Variants in POTEF observed in about 807,000 individuals in gnomAD.
POTEF encodes ANKRD26-like family C member 1B.
In POTEF, 20 loss-of-function variants were observed where a neutral mutation model predicts 83.2. That is an observed-to-expected ratio of 0.24 (90% CI 0.17 to 0.35). POTEF has a LOEUF of 0.35. Ranked by LOEUF, POTEF falls within the 10% of genes least tolerant of loss-of-function variation. The pLI is 1.00. For synonymous variants in POTEF, 196 were observed against 446.4 expected (o/e 0.44, Z 7.07); for missense variants, 550 against 1,203.2 (o/e 0.46, Z 8.03).
chr2:130,126,847 A>G (rs1276425820), intron 2 of POTEF, among the ~76,000 whole-genome samples: 1 of 152,036 alleles, frequency 6.6e-6, no homozygotes, highest in Non-Finnish European at 1.5e-5. Flanking sequence ...AAACAAGAAT[A>G]GAAACATGAA....
intron 3 of POTEF, among the ~76,000 whole-genome samples, chr2:130,118,840 C>T (rs1330212595): frequency 6.6e-6 from 1 of 151,276 alleles, no homozygotes; most frequent in Non-Finnish European, 1.5e-5. Flanking sequence ...CTAGTTTTCT[C>T]CAAACATGAA....
chr2:130,121,268 A>C (rs1684998066), intron 2 of POTEF, among the ~76,000 whole-genome samples: 2 of 147,950 alleles, frequency 1.4e-5, no homozygotes, highest in Admixed American at 6.7e-5. Flanking sequence ...ACTTCGTGGG[A>C]GTCAGCTGAG....
At chr2:130,115,988 C>G (rs1357873422) in intron 3 of POTEF, among the ~76,000 whole-genome samples, 1 of 151,980 alleles carries the variant, frequency 6.6e-6, no homozygotes, top group Non-Finnish European at 1.5e-5. Context: ...AATGGGGCAT[C>G]ACACAATCCC....
intron 3 of POTEF, among the ~76,000 whole-genome samples, chr2:130,116,843 T>G (rs1261117095): frequency 9.2e-6 from 1 of 108,524 alleles, no homozygotes; most frequent in Non-Finnish European, 1.9e-5. Context: ...ATGCTTCTGT[T>G]TGAAAGGAGG....
At chr2:130,121,189 C>A (rs1448453930) in intron 2 of POTEF, among the ~76,000 whole-genome samples, 2 of 150,678 alleles carry the variant, frequency 1.3e-5, no homozygotes, top group Non-Finnish European at 2.9e-5. Flanking sequence ...AGACACTGGC[C>A]GATGCATGCA....
intron 3 of POTEF, among the ~76,000 whole-genome samples, chr2:130,119,004 A>G (rs915949862): frequency 5.3e-5 from 8 of 150,666 alleles, no homozygotes; most frequent in African/African-American, 1.9e-4. Context: ...GAAATAAATA[A>G]CATGCACATT....
intron 2 of POTEF, among the ~76,000 whole-genome samples, chr2:130,125,887 C>G (rs1390386009): frequency 6.7e-6 from 1 of 148,936 alleles, no homozygotes; most frequent in Non-Finnish European, 1.5e-5. Context: ...GCCTGGGGGA[C>G]AAGAGCGAGA....
chr2:130,117,545 C>T (rs1387973258), intron 3 of POTEF, among the ~76,000 whole-genome samples: 2 of 151,976 alleles, frequency 1.3e-5, no homozygotes, highest in African/African-American at 4.8e-5. Context: ...AGATTCTGTT[C>T]GTGTATATGT....
intron 7 of POTEF, 135 bp downstream of exon 7, chr2:130,110,408 G>A (rs2104815145): frequency 2.5e-6 from 4 of 1,582,632 alleles, no homozygotes; most frequent in East Asian, 4.5e-5. Flanking sequence ...GCTGATGCAG[G>A]GGACTAAAAC....
chr2:130,112,975 A>G (rs1684750843), intron 5 of POTEF, among the ~76,000 whole-genome samples: 1 of 151,928 alleles, frequency 6.6e-6, no homozygotes, highest in African/African-American at 2.4e-5. Context: ...GCAAATTTCT[A>G]AAGACCTTCT....
intron 7 of POTEF, 90 bp from the exon 8 acceptor site, chr2:130,108,169 A>T: frequency 6.7e-7 from 1 of 1,490,878 alleles, no homozygotes. Context: ...AGTATTTCAA[A>T]CAATATCAGA....
chr2:130,117,192 T>C (rs1684866599), intron 3 of POTEF, among the ~76,000 whole-genome samples: 1 of 151,858 alleles, frequency 6.6e-6, no homozygotes, highest in African/African-American at 2.4e-5. Flanking sequence ...TACATGTTAA[T>C]CTATATCTAA....
chr2:130,117,742 C>CA (rs1684878109), intron 3 of POTEF, among the ~76,000 whole-genome samples: 1 of 151,792 alleles, frequency 6.6e-6, no homozygotes, highest in Non-Finnish European at 1.5e-5. Flanking sequence ...CTAAGAAAAA[C>CA]AGACCTCTAT....
At position 130,111,193 on chromosome 2, in the gene POTEF, C is replaced by A. The variant is rs549730406; in HGVS notation, c.918-513G>T. ...ATCTTTCTTACTTATGCACAGCCAA[C>A]TTTGAAGGATATATTCTCCTACTTT... On this transcript the variant is annotated intron_variant, in intron 6 of 16. Transcript: ENST00000409914. 2.0e-5 allele frequency among the ~76,000 whole-genome samples: 3 copies of A among 150,860 alleles called. No individual in the cohort carries two copies. The South Asian group carries it at 6.2e-4, about 31-fold the overall frequency.
Position 130,083,949 on chromosome 2 carries a change from T to C in POTEF, c.1778+1865A>G, listed in dbSNP as rs1345548979. ...TTGAACATTTCTAGATTACATAAGC[T>C]GATTATCATTTTGTTCACGCTTATA... On this transcript the variant is annotated intron_variant, in intron 15 of 16. Transcript: ENST00000409914. Among the ~76,000 whole-genome samples the C allele has an allele frequency of 6.4e-5, 5 of 78,736 alleles. 2 individuals are homozygous for C. The highest frequency in any genetic ancestry group is 1.2e-4 in the Non-Finnish European group (5 of 40,370). 51.7% of individuals were successfully genotyped at this position (78,736 alleles called of 152,430 possible).
chr2:130,120,733 G>A (rs1684980847), intron 2 of POTEF, 125 bp from the exon 3 acceptor site: 2 of 895,604 alleles, frequency 2.2e-6, no homozygotes, highest in East Asian at 2.7e-5. Context: ...CCCCCTGGGC[G>A]ACCCCACGCC....
Position 130,075,384 on chromosome 2 carries a change from C to G in POTEF, c.2088G>C (p.Leu696Phe). The change falls in exon 17 of 17, where the codon TTG becomes TTC. Residue 696 changes from leucine to phenylalanine, a missense_variant. Physicochemically the swap from Leu to Phe is conservative, Grantham distance 22 (BLOSUM62 0). Transcript: ENST00000409914. The part of the protein sequence containing the change: ...RNDNLLKALQ[L>F]NELTMDDDTA... ...TATCATCATCCATGGTGAGCTCATT[C>G]AATTGTAGAGCCTTTAAAAGATTAT... 4.3e-6 allele frequency: 7 copies of G among 1,612,006 alleles called. No individual in the cohort carries two copies. Among genetic ancestry groups the G allele is most frequent in the Non-Finnish European group, 5.9e-6 (7 of 1,179,814 alleles).
chr2:130,093,687 GA>G lies in POTEF; in HGVS notation c.1410-180del, dbSNP rs962021988. On this transcript the variant is annotated intron_variant, in intron 11 of 16. Transcript: ENST00000409914. Reference sequence around the variant, plus strand: ...TCTCATGAAGCTTCTAATTAAAGAAGAAAAAAAAGTAAGATGAAATACTCAT... The same window carrying G: ...TCTCATGAAGCTTCTAATTAAAGAAGAAAAAAAGTAAGATGAAATACTCAT... Among the ~76,000 whole-genome samples the G allele has an allele frequency of 1.8e-4, 11 of 62,688 alleles. 3 individuals are homozygous for G. Among genetic ancestry groups the G allele is most frequent in the Non-Finnish European group, 3.2e-4 (11 of 34,510 alleles). The allele number at this position is 62,688 out of a possible 152,430, so 41.1% of individuals were successfully genotyped here. A position where few individuals can be genotyped will look rare whatever the true frequency, so the allele number is the denominator to read the frequency against.
At chr2:130,107,904 C>T (rs954864902) in intron 8 of POTEF, 105 bp downstream of exon 8, 1 of 1,326,556 alleles carries the variant, frequency 7.5e-7, no homozygotes, top group Non-Finnish European at 1.0e-6. Context: ...AAACCATCCC[C>T]ACCCTCCCCC....
Sources: gnomAD v4.1 joint callset for allele counts (sites outside exome capture counted in the v4.1 genomes callset) on GRCh38, gnomAD v4.1.1 for gene constraint, MANE v1.5 for transcripts, NCBI Gene and HGNC (gene_info 2026-07-23, HGNC 2026-07-21) for gene names.